The following CCSER1 variants were observed in gnomAD, a reference collection of about 807,000 sequenced individuals.
The protein encoded by CCSER1 is serine-rich coiled-coil domain-containing protein 1.
In CCSER1, 41 loss-of-function variants were observed where a neutral mutation model predicts 82.0. That is an observed-to-expected ratio of 0.50 (90% confidence interval 0.39 to 0.65). The LOEUF (loss-of-function observed/expected upper bound fraction) is 0.65. Ranked by LOEUF, CCSER1 falls within the 30% of genes least tolerant of loss-of-function variation. CCSER1 has a pLI of 0.00. For synonymous variants in CCSER1, 414 were observed against 383.9 expected, an observed-to-expected ratio of 1.08 and a Z score of -0.92; for missense variants, 1,119 against 1,064.2, an observed-to-expected ratio of 1.05 and a Z score of -0.72.
At chr4:90,198,909 C>T (rs1040038035) in intron 1 of CCSER1, among the ~76,000 whole-genome samples, 1 of 151,994 alleles carries the variant, frequency 6.6e-6, no homozygotes, top group Admixed American at 6.6e-5. Flanking sequence ...TTGTGACTGT[C>T]TTTGAGCTAA....
rs1561549490 is a variant in CCSER1 at position 91,101,508 on chromosome 4, G to A, written c.2217+15514G>A. ...AAATTAGCTGGGCATGGTGGCATGT[G>A]CCTGTAATCACAGCTACTTGGGAGG... On this transcript the variant is annotated intron_variant, in intron 10 of 10. Transcript: ENST00000509176. Among the ~76,000 whole-genome samples the A allele has an allele frequency of 2.0e-5, 3 of 152,114 alleles. No individual in the cohort carries two copies. In the South Asian group the frequency reaches 6.2e-4, roughly 31 times the overall value.
At chr4:90,412,538 AAC>A (rs553961151) in intron 4 of CCSER1, among the ~76,000 whole-genome samples, 3,794 of 150,728 alleles carry the variant, frequency 0.025, 45 homozygotes, top group African/African-American at 0.032. Flanking sequence ...AAAAAAAAAA[AAC>A]CAAAAAGATA....
intron 9 of CCSER1, among the ~76,000 whole-genome samples, chr4:91,002,115 G>T (rs1323143039): frequency 1.3e-5 from 2 of 152,194 alleles, no homozygotes; most frequent in African/African-American, 2.4e-5. Context: ...TTTCTGCTGA[G>T]AAATCTGCTG....
chr4:91,447,274 C>T (rs1755621571), intron 10 of CCSER1, among the ~76,000 whole-genome samples: 2 of 152,126 alleles, frequency 1.3e-5, no homozygotes, highest in Admixed American at 6.6e-5. Context: ...TCCTTTTACT[C>T]TTTATAGTTG....
intron 6 of CCSER1, among the ~76,000 whole-genome samples, chr4:90,670,337 G>A (rs932729666): frequency 6.6e-6 from 1 of 152,044 alleles, no homozygotes; most frequent in Admixed American, 6.6e-5. Flanking sequence ...CAAGATAAAG[G>A]GAGTGAGGGA....
At chr4:90,595,334 G>T (rs1874606) in intron 5 of CCSER1, among the ~76,000 whole-genome samples, 1 of 151,692 alleles carries the variant, frequency 6.6e-6, no homozygotes, top group Non-Finnish European at 1.5e-5. Flanking sequence ...TAATAAGAAC[G>T]TTTAGTGTTT....
At chr4:90,244,105 G>A (rs1260044891) in intron 1 of CCSER1, among the ~76,000 whole-genome samples, 2 of 152,078 alleles carry the variant, frequency 1.3e-5, no homozygotes, top group South Asian at 4.1e-4. Flanking sequence ...ATTAGAAAAC[G>A]AGTTTCTTAA....
chr4:90,650,422 A>T (rs1257986346), intron 6 of CCSER1, among the ~76,000 whole-genome samples: 6 of 152,196 alleles, frequency 3.9e-5, no homozygotes, highest in Non-Finnish European at 7.3e-5. Flanking sequence ...GTAACAGGAT[A>T]GTTTGGACAC....
chr4:90,191,304 G>C (rs1213278852), intron 1 of CCSER1, among the ~76,000 whole-genome samples: 1 of 151,798 alleles, frequency 6.6e-6, no homozygotes, highest in Non-Finnish European at 1.5e-5. Flanking sequence ...ATGGGGGCGG[G>C]GGGTATAAAA....
chr4:91,289,996 A>T, intron 10 of CCSER1, among the ~76,000 whole-genome samples: 1 of 152,024 alleles, frequency 6.6e-6, no homozygotes, highest in Non-Finnish European at 1.5e-5. Context: ...CATGCTATCT[A>T]CAAAGAAACA....
intron 10 of CCSER1, among the ~76,000 whole-genome samples, chr4:91,231,504 A>G (rs1054980766): frequency 6.6e-6 from 1 of 151,828 alleles, no homozygotes; most frequent in African/African-American, 2.4e-5. Context: ...AAAATCCATT[A>G]TACGTATAGG....
intron 5 of CCSER1, among the ~76,000 whole-genome samples, chr4:90,516,143 T>C (rs1772238532): frequency 6.6e-6 from 1 of 152,100 alleles, no homozygotes; most frequent in Non-Finnish European, 1.5e-5. Context: ...TTTTGAGGAA[T>C]TGGTATTTAA....
chr4:90,197,778 G>A (rs1736883852), intron 1 of CCSER1, among the ~76,000 whole-genome samples: 1 of 151,986 alleles, frequency 6.6e-6, no homozygotes, highest in Non-Finnish European at 1.5e-5. Flanking sequence ...GGTACCAGAG[G>A]CTGGGAAGGG....
chr4:90,483,869 T>C (rs10014814), intron 5 of CCSER1, among the ~76,000 whole-genome samples: 16,429 of 152,136 alleles, frequency 0.11, 1,329 homozygotes, highest in African/African-American at 0.22. Context: ...GCTCTTCTTG[T>C]GGAGTATCTT....
chr4:91,576,157 CATCT>C (rs746871148), intron 10 of CCSER1, among the ~76,000 whole-genome samples: 6 of 151,988 alleles, frequency 3.9e-5, no homozygotes, highest in East Asian at 3.9e-4. Context: ...ATCTATCAAT[CATCT>C]ATCTATCTGT....
In CCSER1 at chr4:91,598,736, G is replaced by A. The variant is rs1350458318; in HGVS notation, c.2382G>A (p.Leu794=). 5 of 1,551,518 alleles carry A rather than the reference G, an allele frequency of 3.2e-6. No individual in the cohort carries two copies. Among genetic ancestry groups the A allele is most frequent in the Admixed American group, 3.9e-5 (2 of 50,962 alleles). The change falls in exon 11 of 11, where the codon CTG becomes CTA. Residue 794 remains leucine, a synonymous_variant. Transcript: ENST00000509176. ...QLPSLCLSNF[L]KDKELAEVIK... ...CAAGTCTCTGTTTAAGTAATTTCCT[G>A]AAGGACAAGGAACTAGCAGAAGTTA...
At chr4:90,728,302 T>C (rs1229673761) in intron 7 of CCSER1, among the ~76,000 whole-genome samples, 1 of 152,178 alleles carries the variant, frequency 6.6e-6, no homozygotes, top group Non-Finnish European at 1.5e-5. Context: ...TTCTCTTTAG[T>C]CTAAAGAAAC....
chr4:91,495,471 A>T (rs918464098), intron 10 of CCSER1, among the ~76,000 whole-genome samples: 1 of 151,216 alleles, frequency 6.6e-6, no homozygotes, highest in African/African-American at 2.4e-5. Flanking sequence ...TTTTATTAGG[A>T]CCATTTTACC....
intron 9 of CCSER1, among the ~76,000 whole-genome samples, chr4:90,934,708 G>A (rs1730704063): frequency 6.6e-6 from 1 of 152,070 alleles, no homozygotes; most frequent in African/African-American, 2.4e-5. Context: ...AAGGCGGGTG[G>A]ATCAGGTGAG....
Sources: gnomAD v4.1 joint callset for allele counts (sites outside exome capture counted in the v4.1 genomes callset) on GRCh38, gnomAD v4.1.1 for gene constraint, MANE v1.5 for transcripts, NCBI Gene and HGNC (gene_info 2026-07-23, HGNC 2026-07-21) for gene names.